Variants in EPB41L4A observed in about 807,000 individuals in gnomAD.
The protein encoded by EPB41L4A is band 4.1-like protein 4A.
A neutral mutation model predicts 108.6 loss-of-function variants in EPB41L4A; 100 were observed. That is an observed-to-expected ratio of 0.92 (90% CI 0.78 to 1.09). The LOEUF is 1.09. Ranked by LOEUF, EPB41L4A falls within the 50% of genes least tolerant of loss-of-function variation. EPB41L4A has a pLI of 0.00. For missense variants in EPB41L4A, 1,030 were observed against 842.7 expected (o/e 1.22, Z -2.75); for synonymous variants, 319 against 289.0 (o/e 1.10, Z -1.05).
intron 2 of EPB41L4A, among the ~76,000 whole-genome samples, chr5:112,288,657 A>C (rs1343109614): frequency 6.6e-6 from 1 of 152,112 alleles, no homozygotes; most frequent in Non-Finnish European, 1.5e-5. Flanking sequence ...TTCTAACTGG[A>C]AGCATTTATA....
Position 112,243,214 on chromosome 5 carries a change from C to A in EPB41L4A, c.796-2404G>T, listed in dbSNP as rs1383662815. Among the ~76,000 whole-genome samples the A allele has an allele frequency of 2.1e-5, 3 of 142,962 alleles. No homozygotes were observed. The East Asian group carries it at 5.9e-4, about 28-fold the overall frequency. 93.8% of individuals were successfully genotyped at this position (142,962 alleles called of 152,430 possible). ...GGGTGATAAGAATGAGACTCTGTCT[C>A]GAAAATATATATATATATATCTATG... On this transcript the variant is annotated intron_variant, in intron 9 of 22. Coordinates refer to ENST00000261486, the MANE Select transcript of EPB41L4A (RefSeq NM_022140.5).
At chr5:112,416,404 T>C (rs1762721747) in intron 1 of EPB41L4A, among the ~76,000 whole-genome samples, 1 of 152,226 alleles carries the variant, frequency 6.6e-6, no homozygotes, top group Non-Finnish European at 1.5e-5. Context: ...AGAGATGAAA[T>C]GTGTGCATAA....
intron 3 of EPB41L4A, among the ~76,000 whole-genome samples, chr5:112,278,453 T>C (rs2150500541): frequency 6.6e-6 from 1 of 152,098 alleles, no homozygotes; most frequent in South Asian, 2.1e-4. Flanking sequence ...GGCTTCACCA[T>C]GTTGGCCAGG....
intron 2 of EPB41L4A, among the ~76,000 whole-genome samples, chr5:112,286,689 A>G (rs1345402058): frequency 6.6e-6 from 1 of 152,178 alleles, no homozygotes; most frequent in Non-Finnish European, 1.5e-5. Flanking sequence ...CTATTCAGGA[A>G]CATGGTTCCA....
intron 12 of EPB41L4A, among the ~76,000 whole-genome samples, chr5:112,213,644 A>T: frequency 6.6e-6 from 1 of 152,076 alleles, no homozygotes; most frequent in Non-Finnish European, 1.5e-5. Flanking sequence ...ATGAGCCACC[A>T]AACCCAGCCA....
intron 3 of EPB41L4A, among the ~76,000 whole-genome samples, chr5:112,278,409 A>G (rs950558977): frequency 6.6e-6 from 1 of 151,420 alleles, no homozygotes; most frequent in Non-Finnish European, 1.5e-5. Context: ...TCGCCACCAC[A>G]TCTGGCTAAT....
At chr5:112,277,210 C>A (rs994811368) in intron 3 of EPB41L4A, among the ~76,000 whole-genome samples, 1 of 152,116 alleles carries the variant, frequency 6.6e-6, no homozygotes. Context: ...GGGAGGAGCA[C>A]AGATGCTGCT....
intron 12 of EPB41L4A, among the ~76,000 whole-genome samples, chr5:112,221,560 C>T (rs1210077061): frequency 1.3e-5 from 2 of 152,122 alleles, no homozygotes; most frequent in Non-Finnish European, 2.9e-5. Context: ...TTATATAAAG[C>T]CTTTAGCACT....
chr5:112,191,966 C>G (rs1364293240), intron 17 of EPB41L4A: 2 of 152,162 alleles, frequency 1.3e-5, no homozygotes, highest in East Asian at 1.9e-4. Flanking sequence ...GGTAGAACAT[C>G]AGCATGTACA....
intron 2 of EPB41L4A, among the ~76,000 whole-genome samples, chr5:112,289,620 T>C (rs1753518648): frequency 6.6e-6 from 1 of 152,224 alleles, no homozygotes; most frequent in Non-Finnish European, 1.5e-5. Context: ...TGTTTTCCCT[T>C]GCGAGGAAGC....
downstream of EPB41L4A, chr5:112,161,661 T>C (rs3816657): frequency 2.5e-5 from 13 of 516,620 alleles, no homozygotes; most frequent in Non-Finnish European, 4.6e-5. Flanking sequence ...CTGCTAGCCT[T>C]AAGTGTATGG....
chr5:112,216,969 T>A (rs926877182), intron 12 of EPB41L4A, among the ~76,000 whole-genome samples: 1 of 152,054 alleles, frequency 6.6e-6, no homozygotes, highest in Admixed American at 6.6e-5. Flanking sequence ...TTTCCTATCA[T>A]CATGGAATTT....
intron 9 of EPB41L4A, among the ~76,000 whole-genome samples, chr5:112,251,337 A>C (rs10085152): frequency 0.31 from 46,797 of 152,066 alleles, 8,406 homozygotes; most frequent in South Asian, 0.63. Flanking sequence ...TTACTGAATG[A>C]AGAAAAATGT....
chr5:112,351,952 T>C (rs1758069927), intron 1 of EPB41L4A, among the ~76,000 whole-genome samples: 1 of 152,172 alleles, frequency 6.6e-6, no homozygotes, highest in African/African-American at 2.4e-5. Flanking sequence ...TAACATTCTT[T>C]TATGATAAAA....
chr5:112,411,737 T>C (rs1762425775), intron 1 of EPB41L4A, among the ~76,000 whole-genome samples: 1 of 152,084 alleles, frequency 6.6e-6, no homozygotes, highest in South Asian at 2.1e-4. Context: ...ATGGTGACCA[T>C]ACAGCACTCC....
intron 9 of EPB41L4A, among the ~76,000 whole-genome samples, chr5:112,247,868 C>T (rs1371705919): frequency 2.0e-5 from 3 of 152,178 alleles, no homozygotes; most frequent in Non-Finnish European, 4.4e-5. Context: ...TTTTCAAGTA[C>T]AGACCTTATC....
chr5:112,313,114 G>A (rs1402008815), intron 1 of EPB41L4A, among the ~76,000 whole-genome samples: 1 of 152,180 alleles, frequency 6.6e-6, no homozygotes, highest in African/African-American at 2.4e-5. Context: ...CCAGAAGAAA[G>A]GAGGATGATT....
intron 9 of EPB41L4A, among the ~76,000 whole-genome samples, chr5:112,251,786 A>G (rs1244813222): frequency 6.6e-6 from 1 of 152,196 alleles, no homozygotes; most frequent in Non-Finnish European, 1.5e-5. Context: ...CTATAACCAA[A>G]AACAACCTGA....
intron 2 of EPB41L4A, among the ~76,000 whole-genome samples, chr5:112,286,666 A>T (rs1753303547): frequency 6.6e-6 from 1 of 152,138 alleles, no homozygotes; most frequent in Non-Finnish European, 1.5e-5. Context: ...ACTTAGGCTC[A>T]TCCCTTTCTC....
Sources: allele counts gnomAD v4.1 joint callset (sites outside exome capture counted in the v4.1 genomes callset), GRCh38; gene constraint gnomAD v4.1.1; transcripts MANE v1.5; gene names NCBI Gene and HGNC (gene_info 2026-07-23, HGNC 2026-07-21).